The following NUBPL variants were observed in gnomAD, a reference collection of about 807,000 sequenced individuals.
NUBPL encodes the protein NUBP iron-sulfur cluster assembly factor, mitochondrial.
NUBPL carries 31 observed loss-of-function variants against 45.7 expected under a neutral mutation model. That is an observed-to-expected ratio of 0.68 (90% CI 0.51 to 0.92). The LOEUF is 0.92. Ranked by LOEUF, NUBPL falls within the 40% of genes least tolerant of loss-of-function variation. NUBPL has a pLI of 0.00. For missense variants in NUBPL, 401 were observed against 398.7 expected, an observed-to-expected ratio of 1.01 and a Z score of -0.05; for synonymous variants, 144 against 140.9, an observed-to-expected ratio of 1.02 and a Z score of -0.15.
intron 3 of NUBPL, among the ~76,000 whole-genome samples, chr14:31,568,045 A>G (rs1566417755): frequency 6.6e-6 from 1 of 152,210 alleles, no homozygotes; most frequent in Non-Finnish European, 1.5e-5. Context: ...GGAATTTGGA[A>G]GAGAAGGGAG....
intron 4 of NUBPL, among the ~76,000 whole-genome samples, chr14:31,661,698 A>G (rs1286933693): frequency 1.3e-5 from 2 of 151,818 alleles, no homozygotes; most frequent in Non-Finnish European, 2.9e-5. Flanking sequence ...TCACCACCAC[A>G]CCCAGCTAAT....
intron 6 of NUBPL, among the ~76,000 whole-genome samples, chr14:31,734,104 T>C (rs1294635963): frequency 6.6e-6 from 1 of 152,242 alleles, no homozygotes; most frequent in East Asian, 1.9e-4. Flanking sequence ...AATCATTTTG[T>C]CATGATGTAT....
At chr14:31,718,068 A>G (rs2037728643) in intron 6 of NUBPL, among the ~76,000 whole-genome samples, 1 of 152,214 alleles carries the variant, frequency 6.6e-6, no homozygotes, top group Admixed American at 6.5e-5. Flanking sequence ...GATGCTTTCC[A>G]AGAGTCACTA....
At position 31,712,634 on chromosome 14, in the gene NUBPL, G is replaced by A. The variant is rs79118262; in HGVS notation, c.513+39060G>A. 3.2e-3 allele frequency among the ~76,000 whole-genome samples: 482 copies of A among 152,376 alleles called. 14 individuals carry two copies. In the East Asian group the frequency reaches 0.079, roughly 25 times the overall value. On this transcript the variant is annotated intron_variant, in intron 6 of 10. Coordinates refer to ENST00000281081, the MANE Select transcript of NUBPL (RefSeq NM_025152.3). The stretch of plus-strand genomic sequence containing the variant: ...CTCGAGTGCAGCCAGAGAGGATGCC[G>A]AGGCCAAGGGGGCACCAAGAGTGAG...
intron 8 of NUBPL, among the ~76,000 whole-genome samples, chr14:31,837,085 G>T (rs1202493068): frequency 1.3e-5 from 2 of 152,156 alleles, no homozygotes; most frequent in African/African-American, 4.8e-5. Context: ...AGGTGCAGAG[G>T]CTGAGGTGGG....
intron 3 of NUBPL, among the ~76,000 whole-genome samples, chr14:31,598,161 A>G (rs1461027233): frequency 6.6e-6 from 1 of 152,190 alleles, no homozygotes; most frequent in African/African-American, 2.4e-5. Context: ...TGAGTCATAC[A>G]GATATATATA....
At chr14:31,602,370 C>T (rs1443161831) in intron 4 of NUBPL, among the ~76,000 whole-genome samples, 1 of 112,802 alleles carries the variant, frequency 8.9e-6, no homozygotes, top group Non-Finnish European at 1.8e-5. Flanking sequence ...GCACATGTAC[C>T]CTAAAACTTA....
chr14:31,683,350 A>G (rs1332993555), intron 6 of NUBPL, among the ~76,000 whole-genome samples: 2 of 137,648 alleles, frequency 1.5e-5, no homozygotes, highest in Admixed American at 1.6e-4. Flanking sequence ...TAATAAAACA[A>G]TCTTTTTTTT....
At chr14:31,772,875 C>A (rs1000427244) in intron 6 of NUBPL, among the ~76,000 whole-genome samples, 10 of 152,224 alleles carry the variant, frequency 6.6e-5, no homozygotes, top group Admixed American at 5.9e-4. Flanking sequence ...CTCCCACACC[C>A]TTTTTTCTTT....
intron 3 of NUBPL, among the ~76,000 whole-genome samples, chr14:31,568,545 G>A (rs1008823960): frequency 4.6e-5 from 7 of 152,178 alleles, no homozygotes; most frequent in African/African-American, 1.7e-4. Flanking sequence ...TTCATCAAAT[G>A]AATCTTCGGC....
intron 4 of NUBPL, among the ~76,000 whole-genome samples, chr14:31,610,449 C>T (rs1210716677): frequency 1.3e-5 from 2 of 151,426 alleles, no homozygotes; most frequent in African/African-American, 4.8e-5. Context: ...AAGAAAAGTC[C>T]ACGACCCAAT....
chr14:31,741,288 C>T (rs2038279216), intron 6 of NUBPL, among the ~76,000 whole-genome samples: 1 of 152,168 alleles, frequency 6.6e-6, no homozygotes, highest in Admixed American at 6.5e-5. Flanking sequence ...GAGTACATCT[C>T]AGTTTTTTAA....
intron 3 of NUBPL, among the ~76,000 whole-genome samples, chr14:31,574,558 C>T (rs1303902199): frequency 6.7e-6 from 1 of 149,136 alleles, no homozygotes; most frequent in African/African-American, 2.5e-5. Context: ...AGCCACTGCG[C>T]CTGGCCTACT....
At chr14:31,659,347 C>A (rs1035091665) in intron 4 of NUBPL, among the ~76,000 whole-genome samples, 1 of 152,086 alleles carries the variant, frequency 6.6e-6, no homozygotes, top group African/African-American at 2.4e-5. Flanking sequence ...CAACTGACTA[C>A]CTGGGACATA....
chr14:31,810,838 GCTAGTCTGT>G (rs1324541539), intron 7 of NUBPL, among the ~76,000 whole-genome samples: 1 of 152,160 alleles, frequency 6.6e-6, no homozygotes, highest in Admixed American at 6.6e-5. Flanking sequence ...CTCAGCATTT[GCTAGTCTGT>G]AAAGGATTTT....
chr14:31,825,513 T>G (rs2040082507), intron 7 of NUBPL, among the ~76,000 whole-genome samples: 1 of 151,638 alleles, frequency 6.6e-6, no homozygotes, highest in Non-Finnish European at 1.5e-5. Context: ...CTTGTTCTCC[T>G]TCTCCTCCTC....
At chr14:31,654,003 A>G (rs1052375937) in intron 4 of NUBPL, 12 of 419,144 alleles carry the variant, frequency 2.9e-5, no homozygotes, top group African/African-American at 2.4e-4. Context: ...TCATGGGGGA[A>G]GATATTATGT....
rs532512076 is a variant in NUBPL at position 31,564,916 on chromosome 14, A to G, written c.257-98A>G. 235 of 703,378 alleles carry G rather than the reference A, an allele frequency of 3.3e-4. 1 individual carries two copies. In the African/African-American group the frequency reaches 3.8e-3, roughly 11 times the overall value. 43.6% of individuals were successfully genotyped at this position (703,378 alleles called of 1,614,324 possible). A position where few individuals can be genotyped will look rare whatever the true frequency, so the allele number is the denominator to read the frequency against. On this transcript the variant is annotated intron_variant, in intron 2 of 10. Transcript: ENST00000281081. ...TATTACATGAAAATATTAAAATTACATGAAATTATTAAAAATTACATGAAA... is the reference window on the plus strand; with the variant it reads ...TATTACATGAAAATATTAAAATTACGTGAAATTATTAAAAATTACATGAAA...
chr14:31,604,488 A>C (rs1302758452), intron 4 of NUBPL, among the ~76,000 whole-genome samples: 1 of 152,178 alleles, frequency 6.6e-6, no homozygotes, highest in Admixed American at 6.5e-5. Flanking sequence ...GGTTTTGGGG[A>C]GATAGACCAG....
Sources: gnomAD v4.1 joint callset for allele counts (sites outside exome capture counted in the v4.1 genomes callset) on GRCh38, gnomAD v4.1.1 for gene constraint, MANE v1.5 for transcripts, NCBI Gene and HGNC (gene_info 2026-07-23, HGNC 2026-07-21) for gene names.